The following ZHX1 variants were observed in gnomAD, a reference collection of about 807,000 sequenced individuals.
ZHX1 encodes the protein zinc fingers and homeoboxes 1.
In ZHX1, 20 loss-of-function variants were observed where a neutral mutation model predicts 61.8. The ratio of observed to expected loss-of-function variants is 0.32; its 90% CI spans 0.23 to 0.47. ZHX1 has a LOEUF of 0.47. Ranked by LOEUF, ZHX1 falls within the 20% of genes least tolerant of loss-of-function variation. The pLI is 1.00. For missense variants in ZHX1, 800 were observed against 1,034.8 expected (o/e 0.77, Z 3.11); for synonymous variants, 318 against 352.6 (o/e 0.90, Z 1.10).
At chr8:123,267,777 G>A (rs1198434967) in intron 1 of ZHX1, among the ~76,000 whole-genome samples, 1 of 152,090 alleles carries the variant, frequency 6.6e-6, no homozygotes, top group Non-Finnish European at 1.5e-5. Context: ...CAAGGCCGGC[G>A]GATCACCTGA....
Position 123,253,697 on chromosome 8 carries a change from T to C in ZHX1, c.2250A>G (p.Gly750=). ...GCCCACGCGGTCTTCCTCTTCCCCGTCCTTTGGGTCTCCCTCTCCCTCTTT... is the reference window on the plus strand; with the variant it reads ...GCCCACGCGGTCTTCCTCTTCCCCGCCCTTTGGGTCTCCCTCTCCCTCTTT... ...LRKRGRGRPK[G]RGRGRPRGRP... The change falls in exon 3 of 4, where the codon GGA becomes GGG. Residue 750 remains glycine, a synonymous_variant. Transcript: ENST00000395571. 6.2e-7 allele frequency: 1 copy of C among 1,614,222 alleles called. No homozygotes were observed. Among genetic ancestry groups the C allele is most frequent in the Admixed American group, 1.7e-5 (1 of 60,028 alleles).
chr8:123,272,033 A>C (rs1338176422), intron 1 of ZHX1, among the ~76,000 whole-genome samples: 1 of 152,252 alleles, frequency 6.6e-6, no homozygotes, highest in Non-Finnish European at 1.5e-5. Context: ...AGCTACATGA[A>C]CATTGAGGAA....
At chr8:123,261,109 A>G (rs983908198) in intron 2 of ZHX1, among the ~76,000 whole-genome samples, 5 of 152,188 alleles carry the variant, frequency 3.3e-5, no homozygotes, top group African/African-American at 1.2e-4. Context: ...TATTTAACAT[A>G]TTTCTAAAAA....
Position 123,267,365 on chromosome 8 carries a change from C to A in ZHX1, c.-318G>T. 7.9e-7 allele frequency: 1 copy of A among 1,262,652 alleles called. No homozygotes were observed. The highest frequency in any genetic ancestry group is 1.6e-5 in the South Asian group (1 of 64,250). 78.2% of individuals were successfully genotyped at this position (1,262,652 alleles called of 1,614,324 possible). ...CTCAGGCCATCATTACCAACAGGTC[C>A]AAAGCAGCAGTCTGTCTTCTCCTAC... On this transcript the variant is annotated 5_prime_UTR_variant, in exon 2 of 4. Transcript: ENST00000395571.
At chr8:123,251,383 T>C (rs1424756004) in intron 3 of ZHX1, among the ~76,000 whole-genome samples, 3 of 152,208 alleles carry the variant, frequency 2.0e-5, no homozygotes, top group African/African-American at 7.2e-5. Context: ...ACTAATACAG[T>C]GCATGTATAG....
At chr8:123,270,969 C>A (rs1826633813) in intron 1 of ZHX1, among the ~76,000 whole-genome samples, 1 of 152,076 alleles carries the variant, frequency 6.6e-6, no homozygotes, top group Admixed American at 6.6e-5. Flanking sequence ...CTTTTAAGAT[C>A]AAAACCTGGC....
At chr8:123,269,775 C>T (rs1366113651) in intron 1 of ZHX1, among the ~76,000 whole-genome samples, 1 of 152,156 alleles carries the variant, frequency 6.6e-6, no homozygotes, top group East Asian at 1.9e-4. Flanking sequence ...TTCCTTGGTA[C>T]TTAGAACACA....
rs777131344 is a variant in ZHX1, at chr8:123,255,750, A to G, written c.197T>C (p.Val66Ala). 33 of 1,613,794 alleles carry G rather than the reference A, an allele frequency of 2.0e-5. No individual in the cohort carries two copies. Among genetic ancestry groups the G allele is most frequent in the Admixed American group, 1.0e-4 (6 of 59,964 alleles). ...VDSDNQQNKK[V>A]EGGYECKYCT... ...ATATTTACATTCATATCCACCTTCA[A>G]CTTTTTTATTTTGCTGATTGTCTGA... The change falls in exon 3 of 4, where the codon GTT becomes GCT. Residue 66 changes from valine to alanine, a missense_variant. Coordinates refer to ENST00000395571, the MANE Select transcript of ZHX1 (RefSeq NM_007222.5).
chr8:123,262,958 A>AAGGG (rs1340430870), intron 2 of ZHX1: 2 of 150,066 alleles, frequency 1.3e-5, no homozygotes, highest in African/African-American at 2.4e-5. Context: ...AAAGAAAAGA[A>AAGGG]AGGGAGGGAG....
intron 2 of ZHX1, among the ~76,000 whole-genome samples, chr8:123,260,947 G>A (rs150502986): frequency 0.012 from 1,853 of 152,206 alleles, 40 homozygotes; most frequent in African/African-American, 0.042. Context: ...ACTTGAATCC[G>A]GGAGGTGGAG....
At chr8:123,267,204 TATC>T in intron 2 of ZHX1, 66 bp downstream of exon 2, 1 of 1,404,054 alleles carries the variant, frequency 7.1e-7, no homozygotes, top group East Asian at 2.5e-5. Flanking sequence ...ACAAATATAG[TATC>T]ATGGGATCTA....
At chr8:123,273,353 C>T (rs1162837823) in intron 1 of ZHX1, among the ~76,000 whole-genome samples, 1 of 152,194 alleles carries the variant, frequency 6.6e-6, no homozygotes, top group Non-Finnish European at 1.5e-5. Flanking sequence ...TCTCACACCT[C>T]TCCTTCCCAG....
Position 123,254,467 on chromosome 8 carries a change from T to C in ZHX1, c.1480A>G (p.Ile494Val), listed in dbSNP as rs374275355. Reference protein sequence around the residue: ...LKNQFPHDSEIIRLMKITGLT... With the variant: ...LKNQFPHDSEVIRLMKITGLT... ...CCTGTTATTTTCATAAGTCTGATAATTTCTGAATCATGGGGAAACTGATTT... is the reference window on the plus strand; with the variant it reads ...CCTGTTATTTTCATAAGTCTGATAACTTCTGAATCATGGGGAAACTGATTT... The change falls in exon 3 of 4, where the codon ATT (isoleucine) becomes GTT (valine). Residue 494 changes from isoleucine (I) to valine (V), a missense_variant. Coordinates refer to ENST00000395571, the MANE Select transcript of ZHX1 (RefSeq NM_007222.5). The surrounding 1 kb of genome is among the most constrained non-coding windows in gnomAD (Gnocchi z 4.1). 6.2e-7 allele frequency: 1 copy of C among 1,614,122 alleles called. No homozygotes were observed. Among genetic ancestry groups the C allele is most frequent in the South Asian group, 1.1e-5 (1 of 91,056 alleles).
At chr8:123,263,847 C>G (rs1169153892) in intron 2 of ZHX1, among the ~76,000 whole-genome samples, 1 of 151,818 alleles carries the variant, frequency 6.6e-6, no homozygotes, top group Non-Finnish European at 1.5e-5. Flanking sequence ...AAAAAAAAAT[C>G]TTTAAATATA....
intron 2 of ZHX1, among the ~76,000 whole-genome samples, chr8:123,264,423 C>A (rs1343069531): frequency 6.6e-6 from 1 of 152,170 alleles, no homozygotes; most frequent in Non-Finnish European, 1.5e-5. Context: ...TTAAACAGAG[C>A]CACAACTGCA....
intron 2 of ZHX1, among the ~76,000 whole-genome samples, chr8:123,259,414 G>A (rs2131201204): frequency 6.6e-6 from 1 of 151,718 alleles, no homozygotes; most frequent in African/African-American, 2.4e-5. Context: ...CAACACAGAT[G>A]TTTGATCATT....
chr8:123,254,080 T>C lies in ZHX1; in HGVS notation c.1867A>G (p.Lys623Glu). 1.2e-6 allele frequency: 2 copies of C among 1,614,150 alleles called. No homozygotes were observed. Among genetic ancestry groups the C allele is most frequent in the South Asian group, 1.1e-5 (1 of 91,086 alleles). Residue 623 changes from lysine to glutamate, a missense_variant, in exon 3 of 4, where the codon AAA becomes GAA. Transcript: ENST00000395571. This position sits in a 1 kb window ranked among gnomAD's most constrained non-coding sequence, Gnocchi z 4.1. Reference protein sequence around the residue: ...DAWFTEKKKSKALKEEKMEID... With the variant: ...DAWFTEKKKSEALKEEKMEID... ...TCCATTTTCTCTTCCTTTAAAGCTT[T>C]TGATTTCTTCTTCTCTGTAAACCAA...
intron 1 of ZHX1, among the ~76,000 whole-genome samples, chr8:123,269,214 T>C (rs1826564547): frequency 6.6e-6 from 1 of 152,314 alleles, no homozygotes. Context: ...ATTAATACTT[T>C]AGGAATCTGG....
At chr8:123,261,453 A>G (rs984205274) in intron 2 of ZHX1, among the ~76,000 whole-genome samples, 6 of 149,772 alleles carry the variant, frequency 4.0e-5, no homozygotes, top group African/African-American at 7.7e-5. Flanking sequence ...CTTCAATTCA[A>G]CAAATTTGTT....
Sources: allele counts gnomAD v4.1 joint callset (sites outside exome capture counted in the v4.1 genomes callset), GRCh38; gene constraint gnomAD v4.1.1; non-coding constraint Gnocchi (gnomAD v3.1); transcripts MANE v1.5; gene names NCBI Gene and HGNC (gene_info 2026-07-23, HGNC 2026-07-21).